FLYWCH1: variants seen among roughly 807,000 people sequenced by gnomAD.
The protein encoded by FLYWCH1 is FLYWCH-type zinc finger-containing protein 1.
FLYWCH1 carries 75 observed loss-of-function variants against 66.4 expected under a neutral mutation model. The observed-to-expected ratio is 1.13, with a 90% CI of 0.94 to 1.37. The LOEUF (loss-of-function observed/expected upper bound fraction) is 1.37. Ranked by LOEUF, FLYWCH1 falls within the 40% of genes most tolerant of loss-of-function variation. FLYWCH1 has a pLI of 0.00. For synonymous variants in FLYWCH1, 595 were observed against 429.9 expected, an observed-to-expected ratio of 1.38 and a Z score of -4.75; for missense variants, 1,334 against 1,001.8, an observed-to-expected ratio of 1.33 and a Z score of -4.48.
intron 6 of FLYWCH1, chr16:2,934,767 C>T (rs372049572): frequency 3.4e-4 from 142 of 421,794 alleles, no homozygotes; most frequent in South Asian, 2.0e-3. Flanking sequence ...GCGAGGTCCC[C>T]GCCTCGTCCT....
chr16:2,933,405 C>T lies in FLYWCH1; in HGVS notation c.1072C>T (p.Pro358Ser). The T allele has an allele frequency of 1.2e-6, 2 of 1,601,622 alleles. No homozygotes were observed. The highest frequency in any genetic ancestry group is 1.7e-6 in the Non-Finnish European group (2 of 1,174,914). Reference protein sequence around the residue: ...VETLQAGQDGPGSQVDTLLRG... With the variant: ...VETLQAGQDGSGSQVDTLLRG... ...GACGCTGCAGGCTGGGCAGGACGGC[C>T]CTGGGAGCCAAGTGGACACGCTGCT... The change falls in exon 5 of 10, where the codon CCT (proline) becomes TCT (serine). Residue 358 changes from proline to serine, a missense_variant. Physicochemically the swap from Pro to Ser is moderately conservative, Grantham distance 74. Transcript: ENST00000253928.
Position 2,921,988 on chromosome 16 carries a change from G to A in FLYWCH1, c.-73-7625G>A, listed in dbSNP as rs571661046. On this transcript the variant is annotated intron_variant, in intron 2 of 9. Transcript: ENST00000253928. The stretch of plus-strand genomic sequence containing the variant: ...TGAGGCGGGAGAATCACTTGAACCC[G>A]GGAGGCAGAGGTTGCAATGAACTGA... 6.6e-5 allele frequency among the ~76,000 whole-genome samples: 10 copies of A among 152,258 alleles called. No homozygotes were observed. The South Asian group carries it at 1.9e-3, about 28-fold the overall frequency.
intron 2 of FLYWCH1, among the ~76,000 whole-genome samples, chr16:2,925,574 C>CG (rs1367590910): frequency 0.28 from 4,556 of 16,110 alleles, 350 homozygotes; most frequent in Non-Finnish European, 0.31. Flanking sequence ...GGGGGAGTTG[C>CG]GGGGGGAGGG....
rs1427694887 is a variant in FLYWCH1 at position 2,937,064 on chromosome 16, C to G, written c.1514-57C>G. The G allele has an allele frequency of 2.7e-6, 4 of 1,502,012 alleles. No homozygotes were observed. The Admixed American group carries it at 9.1e-5, about 34-fold the overall frequency. The allele number at this position is 1,502,012 out of a possible 1,614,324, so 93.0% of individuals were successfully genotyped here. A position where few individuals can be genotyped will look rare whatever the true frequency, so the allele number is the denominator to read the frequency against. ...TGGGAGGTCTCATCTCGGGGCCATG[C>G]TGATCTGGGCTCTGAGAGCTGGTGT... On this transcript the variant is annotated intron_variant, in intron 6 of 9. Transcript: ENST00000253928.
intron 9 of FLYWCH1, chr16:2,943,420 A>G (rs1402858824): frequency 6.6e-6 from 1 of 151,588 alleles, no homozygotes; most frequent in Non-Finnish European, 1.5e-5. Flanking sequence ...CACTAGTATG[A>G]TGGTAGGCTA....
intron 9 of FLYWCH1, among the ~76,000 whole-genome samples, chr16:2,946,483 G>A (rs2071492532): frequency 6.6e-6 from 1 of 151,766 alleles, no homozygotes; most frequent in Non-Finnish European, 1.5e-5. Flanking sequence ...CACCACACCT[G>A]GCTAATTTTT....
Position 2,930,850 on chromosome 16 carries a change from C to T in FLYWCH1, c.766C>T (p.Pro256Ser). 6.2e-7 allele frequency: 1 copy of T among 1,601,168 alleles called. No individual in the cohort carries two copies. Among genetic ancestry groups the T allele is most frequent in the Non-Finnish European group, 8.5e-7 (1 of 1,177,454 alleles). Reference sequence around the variant, plus strand: ...CCGAGCCCTGTCACTGCTGAGCCTGCCGCCCAAGAAGCGCTCGATCCTGGG... The same window carrying T: ...CCGAGCCCTGTCACTGCTGAGCCTGTCGCCCAAGAAGCGCTCGATCCTGGG... ...APRALSLLSL[P>S]PKKRSILGLG... Residue 256 changes from proline (P) to serine (S), a missense_variant, in exon 4 of 10, where the codon CCG (proline) becomes TCG (serine). Physicochemically the swap from Pro to Ser is moderately conservative, Grantham distance 74. Transcript: ENST00000253928.
At position 2,945,473 on chromosome 16, in the gene FLYWCH1, G is replaced by A. The variant is rs562698571; in HGVS notation, c.2112-3215G>A. 1.0e-3 allele frequency among the ~76,000 whole-genome samples: 121 copies of A among 119,180 alleles called. 1 individual carries two copies. Among genetic ancestry groups the A allele is most frequent in the South Asian group, 1.4e-3 (5 of 3,488 alleles). The allele number at this position is 119,180 out of a possible 152,430, so 78.2% of individuals were successfully genotyped here. The stretch of plus-strand genomic sequence containing the variant: ...CTGCATTCCAGCCTGGTGGCAGAGC[G>A]AGACTCCATCTCAAAAAAAAAAAAA... On this transcript the variant is annotated intron_variant, in intron 9 of 9. Transcript: ENST00000253928.
intron 8 of FLYWCH1, among the ~76,000 whole-genome samples, chr16:2,939,423 T>G (rs2071165270): frequency 6.8e-6 from 1 of 147,546 alleles, no homozygotes; most frequent in Admixed American, 6.8e-5. Flanking sequence ...GCCACTGCCC[T>G]CCAGCCTGGG....
Position 2,916,432 on chromosome 16 carries a change from G to C in FLYWCH1, c.-74+2143G>C, listed in dbSNP as rs531275615. ...AGGCGGATCACGAAGTCAGGAGATA[G>C]AGACCATCCTGGCTAACATGGTGAA... On this transcript the variant is annotated intron_variant, in intron 2 of 9. Coordinates refer to ENST00000253928, the MANE Select transcript of FLYWCH1 (RefSeq NM_001308068.2). Among the ~76,000 whole-genome samples, 5 of 152,162 alleles carry C rather than the reference G, an allele frequency of 3.3e-5. No individual in the cohort carries two copies. In the East Asian group the frequency reaches 9.7e-4, roughly 29 times the overall value.
rs1005462308 is a variant in FLYWCH1 at position 2,933,295 on chromosome 16, A to C, written c.962A>C (p.Gln321Pro). 8.7e-6 allele frequency: 14 copies of C among 1,611,584 alleles called. No homozygotes were observed. The highest frequency in any genetic ancestry group is 1.2e-5 in the Non-Finnish European group (14 of 1,179,276). ...CGGAGCCGGGCCATCACCCAGGGAC[A>C]GCGGGTGACTGTGATGCGTGGGCAC... ...GCRSRAITQG[Q>P]RVTVMRGHCH... is the part of the protein sequence containing the mutation. The change falls in exon 5 of 10, where the codon CAG (glutamine) becomes CCG (proline). Residue 321 changes from glutamine (Q) to proline (P), a missense_variant. By Grantham distance (76) the Gln-to-Pro change is moderately conservative (BLOSUM62 -1). Transcript: ENST00000253928.
chr16:2,914,513 G>C (rs1170464895), intron 2 of FLYWCH1, among the ~76,000 whole-genome samples: 1 of 152,214 alleles, frequency 6.6e-6, no homozygotes, highest in Non-Finnish European at 1.5e-5. Context: ...GGGAGAAGGG[G>C]AGAGAGGACA....
At chr16:2,916,705 C>G (rs1401714204) in intron 2 of FLYWCH1, among the ~76,000 whole-genome samples, 3 of 151,984 alleles carry the variant, frequency 2.0e-5, no homozygotes, top group African/African-American at 4.8e-5. Context: ...GTTTGATATC[C>G]TGAGACACAG....
chr16:2,945,579 G>A lies in FLYWCH1; in HGVS notation c.2112-3109G>A, dbSNP rs527650514. Among the ~76,000 whole-genome samples, 15 of 145,386 alleles carry A rather than the reference G, an allele frequency of 1.0e-4. No homozygotes were observed. The South Asian group carries it at 1.1e-3, about 11-fold the overall frequency. ...GCTGAGGCTGCAGTGCACTGAGATCGTGGCAGTGCACCGAGATCGTGCCAC... is the reference window on the plus strand; with the variant it reads ...GCTGAGGCTGCAGTGCACTGAGATCATGGCAGTGCACCGAGATCGTGCCAC... On this transcript the variant is annotated intron_variant, in intron 9 of 9. Transcript: ENST00000253928.
intron 9 of FLYWCH1, 101 bp from the exon 10 acceptor site, chr16:2,948,587 C>A: frequency 8.3e-7 from 1 of 1,205,958 alleles, no homozygotes; most frequent in Non-Finnish European, 1.2e-6. Context: ...TAGACTGTGG[C>A]ATCCCCAGGA....
chr16:2,945,297 C>T lies in FLYWCH1; in HGVS notation c.2112-3391C>T, dbSNP rs1394493130. Among the ~76,000 whole-genome samples the T allele has an allele frequency of 3.3e-5, 5 of 151,718 alleles. No individual in the cohort carries two copies. In the East Asian group the frequency reaches 9.7e-4, roughly 29 times the overall value. On this transcript the variant is annotated intron_variant, in intron 9 of 9. Transcript: ENST00000253928. ...GGTCAGGAGATCAAGACCGTCCGGG[C>T]TAACACGGTAAAATCCCGTCTCTAC...
Position 2,938,202 on chromosome 16 carries a change from A to C in FLYWCH1, c.1796A>C (p.Glu599Ala). The change falls in exon 8 of 10, where the codon GAG becomes GCG. Residue 599 changes from glutamate to alanine, a missense_variant. By Grantham distance (107) the Glu-to-Ala change is moderately radical. Transcript: ENST00000253928. ...CTTTCAGATCCTCTCCGGCCCCTGG[A>C]GTTCCTGAGGACTTCCCTGGGGGGC... ...WDSPDPLRPL[E>A]FLRTSLGGRF... is the part of the protein sequence containing the mutation. 1 of 1,612,822 alleles carries C rather than the reference A, an allele frequency of 6.2e-7. No individual in the cohort carries two copies. The highest frequency in any genetic ancestry group is 8.5e-7 in the Non-Finnish European group (1 of 1,179,568).
intron 9 of FLYWCH1, among the ~76,000 whole-genome samples, chr16:2,946,230 G>C (rs894191582): frequency 6.6e-6 from 1 of 151,728 alleles, no homozygotes; most frequent in South Asian, 2.1e-4. Context: ...TAATGCTTTA[G>C]GCCTCCACGT....
At chr16:2,941,272 G>A (rs974437007) in intron 9 of FLYWCH1, among the ~76,000 whole-genome samples, 1 of 150,614 alleles carries the variant, frequency 6.6e-6, no homozygotes, top group African/African-American at 2.4e-5. Flanking sequence ...GGGCAACAGA[G>A]CATGACCCTG....
Sources: allele counts gnomAD v4.1 joint callset (sites outside exome capture counted in the v4.1 genomes callset), GRCh38; gene constraint gnomAD v4.1.1; transcripts MANE v1.5; gene names NCBI Gene and HGNC (gene_info 2026-07-23, HGNC 2026-07-21).